CUBN: variants seen among roughly 807,000 people sequenced by gnomAD.
The protein encoded by CUBN is 460 kDa receptor.
CUBN carries 282 observed loss-of-function variants against 405.3 expected under a neutral mutation model. The observed-to-expected ratio is 0.70, with a 90% CI of 0.63 to 0.77. CUBN has a LOEUF of 0.77. Ranked by LOEUF, CUBN falls within the 30% of genes least tolerant of loss-of-function variation. The pLI, the probability that CUBN is intolerant of heterozygous loss-of-function variation, is 0.00. For synonymous variants in CUBN, 1,684 were observed against 1,617.0 expected, an observed-to-expected ratio of 1.04 and a Z score of -0.99; for missense variants, 4,514 against 4,475.2, an observed-to-expected ratio of 1.01 and a Z score of -0.25.
chr10:17,046,114 A>T lies in CUBN; in HGVS notation c.3330-20T>A. On this transcript the variant is annotated intron_variant, in intron 23 of 66. Coordinates refer to ENST00000377833, the MANE Select transcript of CUBN (RefSeq NM_001081.4). ...CCATCTCTGGCAGAATACAGAAATT[A>T]AAATTTATTGGGTTACTGACAATAT... The T allele has an allele frequency of 1.2e-6, 2 of 1,609,036 alleles. No individual in the cohort carries two copies. The highest frequency in any genetic ancestry group is 1.7e-6 in the Non-Finnish European group (2 of 1,175,848).
chr10:16,872,245 A>C (rs1307856099), intron 58 of CUBN, among the ~76,000 whole-genome samples: 1 of 152,044 alleles, frequency 6.6e-6, no homozygotes, highest in Non-Finnish European at 1.5e-5. Context: ...GTCTCAAATA[A>C]ATAAATAAGT....
intron 58 of CUBN, among the ~76,000 whole-genome samples, chr10:16,871,466 C>T (rs1194425221): frequency 6.6e-6 from 1 of 150,532 alleles, no homozygotes; most frequent in African/African-American, 2.4e-5. Context: ...CTTTCAACAG[C>T]CTTGAGAAAA....
chr10:16,950,822 C>T (rs1340261883), intron 33 of CUBN, among the ~76,000 whole-genome samples: 1 of 152,148 alleles, frequency 6.6e-6, no homozygotes, highest in Admixed American at 6.5e-5. Context: ...ATCACCATTG[C>T]TGTGTTCCTC....
chr10:17,068,527 C>T, intron 20 of CUBN, 78 bp downstream of exon 20: 1 of 1,286,518 alleles, frequency 7.8e-7, no homozygotes, highest in Non-Finnish European at 1.1e-6. Context: ...AGATGATTTT[C>T]ATATAATTTA....
chr10:17,034,835 C>A (rs769586333), intron 27 of CUBN, among the ~76,000 whole-genome samples: 22 of 151,980 alleles, frequency 1.4e-4, no homozygotes, highest in Non-Finnish European at 2.9e-4. Flanking sequence ...ATGTCTTGTT[C>A]CCCCAAAAAA....
At chr10:17,027,035 T>C (rs1564486290) in intron 27 of CUBN, among the ~76,000 whole-genome samples, 1 of 152,242 alleles carries the variant, frequency 6.6e-6, no homozygotes, top group Admixed American at 6.5e-5. Context: ...GAGTTACAGG[T>C]CTGTCTCATA....
chr10:17,016,716 C>A (rs1247481597), intron 28 of CUBN, among the ~76,000 whole-genome samples: 3 of 151,974 alleles, frequency 2.0e-5, no homozygotes, highest in Admixed American at 6.6e-5. Context: ...TTGGAGATTT[C>A]TTTGCTTATT....
At chr10:16,933,952 T>A (rs966983130) in intron 39 of CUBN, among the ~76,000 whole-genome samples, 1 of 152,124 alleles carries the variant, frequency 6.6e-6, no homozygotes, top group Non-Finnish European at 1.5e-5. Context: ...TACAAAAGAG[T>A]GAGCTCTTGC....
chr10:16,948,745 A>C, intron 34 of CUBN, 139 bp from the exon 35 acceptor site: 1 of 1,013,362 alleles, frequency 9.9e-7, no homozygotes, highest in Non-Finnish European at 1.5e-6. Flanking sequence ...CACTTCATTC[A>C]GGGTCAATGT....
chr10:16,901,333 C>G lies in CUBN; in HGVS notation c.8184+5G>C. 1 of 1,614,140 alleles carries G rather than the reference C, an allele frequency of 6.2e-7. No homozygotes were observed. Among genetic ancestry groups the G allele is most frequent in the Admixed American group, 1.7e-5 (1 of 60,024 alleles). The stretch of plus-strand genomic sequence containing the variant: ...GAAGCATTTCACCCAGTCATTAGCA[C>G]TCACAGTGATGGTGTGCCCTTGTGG... On this transcript the variant is annotated splice_donor_5th_base_variant and intron_variant, in intron 52 of 66. Transcript: ENST00000377833.
At chr10:17,005,849 T>C (rs1007546532) in intron 28 of CUBN, among the ~76,000 whole-genome samples, 1 of 152,212 alleles carries the variant, frequency 6.6e-6, no homozygotes, top group African/African-American at 2.4e-5. Flanking sequence ...AGAATGTGAC[T>C]GTCCTCGGGG....
At chr10:17,113,571 G>T (rs1269971873) in intron 8 of CUBN, among the ~76,000 whole-genome samples, 7 of 152,110 alleles carry the variant, frequency 4.6e-5, no homozygotes, top group African/African-American at 7.2e-5. Context: ...GTTGCTGCAG[G>T]GCATAATGGA....
intron 28 of CUBN, among the ~76,000 whole-genome samples, chr10:17,003,761 T>C (rs1284214738): frequency 6.6e-6 from 1 of 152,172 alleles, no homozygotes; most frequent in Non-Finnish European, 1.5e-5. Context: ...CATCAGAATG[T>C]TACTCACCTT....
chr10:16,859,574 C>T (rs1207316189), intron 59 of CUBN, among the ~76,000 whole-genome samples: 1 of 152,102 alleles, frequency 6.6e-6, no homozygotes, highest in Non-Finnish European at 1.5e-5. Flanking sequence ...GGAATAGCAT[C>T]GTAAAGTCCT....
At chr10:17,010,438 C>G (rs1834149708) in intron 28 of CUBN, among the ~76,000 whole-genome samples, 1 of 151,174 alleles carries the variant, frequency 6.6e-6, no homozygotes, top group Admixed American at 6.6e-5. Flanking sequence ...CTCAGAAGTT[C>G]AAGATCAGAC....
chr10:16,953,291 C>G (rs1360721630), intron 32 of CUBN, among the ~76,000 whole-genome samples: 2 of 152,186 alleles, frequency 1.3e-5, no homozygotes, highest in Non-Finnish European at 2.9e-5. Flanking sequence ...TATTAGGAAA[C>G]TAGTTTTTCT....
chr10:17,057,069 C>CTGCT (rs1835411694), intron 22 of CUBN, among the ~76,000 whole-genome samples: 4 of 152,120 alleles, frequency 2.6e-5, no homozygotes, highest in Admixed American at 2.6e-4. Context: ...GAGAAAAGAA[C>CTGCT]TGCTGCAAGG....
At chr10:17,105,998 T>C (rs1399192559) in intron 10 of CUBN, among the ~76,000 whole-genome samples, 2 of 151,980 alleles carry the variant, frequency 1.3e-5, no homozygotes, top group Non-Finnish European at 2.9e-5. Context: ...AAGAGCCCAA[T>C]AGAGGGCCAG....
At chr10:16,978,319 C>T (rs2131686353) in intron 31 of CUBN, among the ~76,000 whole-genome samples, 1 of 152,308 alleles carries the variant, frequency 6.6e-6, no homozygotes, top group East Asian at 1.9e-4. Context: ...CTCAGATATT[C>T]ACTCAGAAAC....
Sources: gnomAD v4.1 joint callset for allele counts (sites outside exome capture counted in the v4.1 genomes callset) on GRCh38, gnomAD v4.1.1 for gene constraint, MANE v1.5 for transcripts, NCBI Gene and HGNC (gene_info 2026-07-23, HGNC 2026-07-21) for gene names.